MAP3K9: variants seen among roughly 807,000 people sequenced by gnomAD.
MAP3K9 encodes mixed lineage kinase 1 (tyr and ser/thr specificity).
MAP3K9 carries 46 observed loss-of-function variants against 95.8 expected under a neutral mutation model. The observed-to-expected ratio is 0.48, with a 90% CI of 0.38 to 0.61. The LOEUF is 0.61. Among genes scored for constraint, MAP3K9 ranks in the 20% least tolerant of loss-of-function variants. MAP3K9 has a pLI of 0.00. For synonymous variants in MAP3K9, 533 were observed against 593.8 expected (o/e 0.90, Z 1.49); for missense variants, 1,296 against 1,474.3 (o/e 0.88, Z 1.98).
At chr14:70,806,194 G>C (rs1300238931) in intron 1 of MAP3K9, among the ~76,000 whole-genome samples, 1 of 152,204 alleles carries the variant, frequency 6.6e-6, no homozygotes, top group Non-Finnish European at 1.5e-5. Context: ...GACACAAACT[G>C]ATCTGGTAGA....
chr14:70,756,631 G>A (rs891194251), intron 3 of MAP3K9, among the ~76,000 whole-genome samples: 3 of 152,200 alleles, frequency 2.0e-5, no homozygotes, highest in African/African-American at 7.2e-5. Context: ...CGCTTGCCAT[G>A]AGTAAGTTCT....
At position 70,726,108 on chromosome 14, in the gene MAP3K9, T is replaced by A. The variant is rs2053817772; in HGVS notation, c.*4272A>T. On this transcript the variant is annotated 3_prime_UTR_variant, in exon 12 of 12. Transcript: ENST00000554752. Reference sequence around the variant, plus strand: ...CCCCAAGGTGTACCATTCACAGCCATCCAGTCTTCAGTGCCCTCTGCTCTT... The same window carrying A: ...CCCCAAGGTGTACCATTCACAGCCAACCAGTCTTCAGTGCCCTCTGCTCTT... The A allele has an allele frequency of 6.6e-6, 1 of 152,282 alleles. No homozygotes were observed. The highest frequency in any genetic ancestry group is 1.5e-5 in the Non-Finnish European group (1 of 68,074). The allele number at this position is 152,282 out of a possible 1,614,324, so 9.4% of individuals were successfully genotyped here. A position where few individuals can be genotyped will look rare whatever the true frequency, so the allele number is the denominator to read the frequency against.
In MAP3K9 at chr14:70,736,015, C is replaced by T. The variant is rs757616738; in HGVS notation, c.1859G>A (p.Arg620His). ...ASGDEGSPQR[R>H]EKANGLSTPS... The stretch of plus-strand genomic sequence containing the variant: ...GGTACTTAAACCATTAGCTTTCTCA[C>T]GTCTCTGAGGGGATCTTCAATGAAT... Residue 620 changes from arginine (R) to histidine (H), a missense_variant, in exon 9 of 12, where the codon CGT (arginine) becomes CAT (histidine). Arg to His is a conservative substitution (Grantham distance 29). This residue lies in a region of MAP3K9 where 377 missense variants were observed against 417.1 expected (regional missense o/e 0.90). Transcript: ENST00000554752. The T allele has an allele frequency of 2.0e-5, 32 of 1,612,492 alleles. No homozygotes were observed. Among genetic ancestry groups the T allele is most frequent in the Middle Eastern group, 1.6e-4 (1 of 6,080 alleles).
intron 2 of MAP3K9, among the ~76,000 whole-genome samples, chr14:70,775,574 C>T (rs191907786): frequency 5.5e-4 from 84 of 152,270 alleles, no homozygotes; most frequent in Middle Eastern, 3.4e-3. Flanking sequence ...ATCCTACATC[C>T]GGAATGGACC....
At position 70,734,267 on chromosome 14, in the gene MAP3K9, T is replaced by G; in HGVS notation, c.2026+119A>C. On this transcript the variant is annotated intron_variant, in intron 10 of 11. Coordinates refer to ENST00000554752, the MANE Select transcript of MAP3K9 (RefSeq NM_001284230.2). ...ACTGAACATTCTAGAACAAAAACATTCCCAATGTTTCCTCCATGAAGCAGT... is the reference window on the plus strand; with the variant it reads ...ACTGAACATTCTAGAACAAAAACATGCCCAATGTTTCCTCCATGAAGCAGT... The G allele has an allele frequency of 6.8e-6, 5 of 734,282 alleles. No individual in the cohort carries two copies. In the South Asian group the frequency reaches 7.6e-5, roughly 11 times the overall value. 45.5% of individuals were successfully genotyped at this position (734,282 alleles called of 1,614,324 possible). A position where few individuals can be genotyped will look rare whatever the true frequency, so the allele number is the denominator to read the frequency against.
At chr14:70,765,405 T>C (rs1222027443) in intron 2 of MAP3K9, 1 of 664,836 alleles carries the variant, frequency 1.5e-6, no homozygotes, top group Non-Finnish European at 2.7e-6. Flanking sequence ...TATACAGTAA[T>C]GTCCTAGGTC....
At chr14:70,778,866 C>T (rs1250339978) in intron 2 of MAP3K9, among the ~76,000 whole-genome samples, 1 of 152,178 alleles carries the variant, frequency 6.6e-6, no homozygotes, top group Non-Finnish European at 1.5e-5. Flanking sequence ...CTTGATGATG[C>T]CTTACCCTAC....
At chr14:70,732,384 C>T (rs2053916870) in intron 11 of MAP3K9, among the ~76,000 whole-genome samples, 155 bp downstream of exon 11, 1 of 152,178 alleles carries the variant, frequency 6.6e-6, no homozygotes, top group Non-Finnish European at 1.5e-5. Flanking sequence ...GCCCTGGCTG[C>T]CTCCCTGATC....
At chr14:70,746,974 C>T (rs902216339) in intron 5 of MAP3K9, among the ~76,000 whole-genome samples, 5 of 152,244 alleles carry the variant, frequency 3.3e-5, no homozygotes, top group Admixed American at 6.5e-5. Context: ...TTCTGCTCAA[C>T]AGCCAGTGCA....
intron 8 of MAP3K9, among the ~76,000 whole-genome samples, chr14:70,737,545 C>A (rs528210375): frequency 6.6e-6 from 1 of 152,194 alleles, no homozygotes; most frequent in Non-Finnish European, 1.5e-5. Flanking sequence ...GCTCTCACCC[C>A]TCTTGTGCCC....
rs368898714 is a variant in MAP3K9, at chr14:70,740,998, G to A, written c.1568-834C>T. ...ATAAACATATTCACTCAACTGCATG[G>A]AATGAGTTCCCTTATCTGTACTTAA... On this transcript the variant is annotated intron_variant, in intron 6 of 11. Coordinates refer to ENST00000554752, the MANE Select transcript of MAP3K9 (RefSeq NM_001284230.2). Among the ~76,000 whole-genome samples the A allele has an allele frequency of 2.0e-4, 30 of 152,270 alleles. 1 individual carries two copies. In the South Asian group the frequency reaches 5.8e-3, roughly 29 times the overall value.
chr14:70,803,666 G>A (rs2054958691), intron 1 of MAP3K9, among the ~76,000 whole-genome samples: 1 of 152,180 alleles, frequency 6.6e-6, no homozygotes, highest in Non-Finnish European at 1.5e-5. Flanking sequence ...CTCTTAGGTG[G>A]ATGTTAGTGG....
chr14:70,731,219 G>A (rs1360208885), intron 11 of MAP3K9, among the ~76,000 whole-genome samples: 1 of 151,940 alleles, frequency 6.6e-6, no homozygotes, highest in African/African-American at 2.4e-5. Flanking sequence ...GCCAAGGCAG[G>A]AGGATCACTT....
chr14:70,731,868 G>A (rs1289269134), intron 11 of MAP3K9, among the ~76,000 whole-genome samples: 1 of 152,208 alleles, frequency 6.6e-6, no homozygotes, highest in African/African-American at 2.4e-5. Context: ...CTGTTTCCAA[G>A]TCAGACTTAG....
intron 2 of MAP3K9, among the ~76,000 whole-genome samples, chr14:70,768,237 C>A (rs1222464476): frequency 6.6e-6 from 1 of 151,924 alleles, no homozygotes; most frequent in Non-Finnish European, 1.5e-5. Flanking sequence ...CATCATATGC[C>A]TGTATCACAA....
At chr14:70,791,560 A>G (rs746415909) in intron 2 of MAP3K9, among the ~76,000 whole-genome samples, 2 of 152,192 alleles carry the variant, frequency 1.3e-5, no homozygotes, top group Non-Finnish European at 2.9e-5. Flanking sequence ...CCAAGCACGC[A>G]ATTTGCCTCC....
At chr14:70,750,954 A>G (rs1312809026) in intron 3 of MAP3K9, among the ~76,000 whole-genome samples, 4 of 152,186 alleles carry the variant, frequency 2.6e-5, no homozygotes, top group Admixed American at 2.6e-4. Context: ...CAGAGTGCTA[A>G]CCACTCAAAG....
rs756170853 is a variant in MAP3K9 at position 70,734,408 on chromosome 14, C to T, written c.2004G>A (p.Gly668=). The change falls in exon 10 of 12, where the codon GGG becomes GGA. Residue 668 remains glycine (G), a synonymous_variant. Transcript: ENST00000554752. ...KGPRSSPALP[G]FTSLMEMEDE... ...TACCCATCTCCATAAGGCTGGTGAA[C>T]CCTGGCAGGGCCGGGCTACTCCTTG... is the stretch of plus-strand genomic sequence containing the variant. 3.1e-6 allele frequency: 5 copies of T among 1,613,868 alleles called. No homozygotes were observed. The highest frequency in any genetic ancestry group is 4.2e-6 in the Non-Finnish European group (5 of 1,179,864).
chr14:70,796,425 G>A (rs188877305), intron 2 of MAP3K9, among the ~76,000 whole-genome samples: 4 of 152,270 alleles, frequency 2.6e-5, no homozygotes, highest in Non-Finnish European at 5.9e-5. Context: ...AGACATCTGA[G>A]GTAACAGTTC....
Sources: gnomAD v4.1 joint callset for allele counts (sites outside exome capture counted in the v4.1 genomes callset) on GRCh38, gnomAD v4.1.1 for gene constraint, gnomAD v4.1.1 regional missense constraint, MANE v1.5 for transcripts, NCBI Gene and HGNC (gene_info 2026-07-23, HGNC 2026-07-21) for gene names.